The following ARHGEF6 variants were observed in gnomAD, a reference collection of about 807,000 sequenced individuals.
ARHGEF6 encodes the protein rho guanine nucleotide exchange factor 6.
ARHGEF6 carries 9 observed loss-of-function variants against 70.3 expected under a neutral mutation model. That is an observed-to-expected ratio of 0.13 (90% CI 0.08 to 0.22). The LOEUF is 0.22. Ranked by LOEUF, ARHGEF6 falls within the 10% of genes least tolerant of loss-of-function variation. The pLI, the probability that ARHGEF6 is intolerant of heterozygous loss-of-function variation, is 1.00. For synonymous variants in ARHGEF6, 201 were observed against 207.8 expected, an observed-to-expected ratio of 0.97 and a Z score of 0.28; for missense variants, 470 against 563.0, an observed-to-expected ratio of 0.83 and a Z score of 1.67.
At chrX:136,703,346 A>G (rs2076594457) in intron 9 of ARHGEF6, among the ~76,000 whole-genome samples, 1 of 111,979 alleles carries the variant, frequency 8.9e-6, no homozygotes, top group East Asian at 2.8e-4. Flanking sequence ...ATATAGGCAC[A>G]CCTCATTTTA....
At chrX:136,762,359 C>T (rs1242212063) in intron 2 of ARHGEF6, among the ~76,000 whole-genome samples, 2 of 112,332 alleles carry the variant, frequency 1.8e-5, no homozygotes, top group Non-Finnish European at 3.8e-5. Flanking sequence ...TCTAATATAT[C>T]CCAGAACACT....
intron 2 of ARHGEF6, among the ~76,000 whole-genome samples, chrX:136,756,850 A>G (rs1288319559): frequency 1.8e-5 from 2 of 112,530 alleles, no homozygotes; most frequent in East Asian, 2.8e-4. Flanking sequence ...CCTAACAGAC[A>G]TAAATTAATT....
In ARHGEF6 at chrX:136,672,006, C is replaced by T. The variant is rs1391020307; in HGVS notation, c.2135+14G>A. The stretch of plus-strand genomic sequence containing the variant: ...CCAAGAGAAACTAGGCAAGGTTTTG[C>T]CTGCTCTACTCACTTTTCTTCCATG... On this transcript the variant is annotated intron_variant, in intron 20 of 21. Coordinates refer to ENST00000250617, the MANE Select transcript of ARHGEF6 (RefSeq NM_004840.3). The T allele has an allele frequency of 1.7e-6, 2 of 1,188,838 alleles. No homozygotes were observed. The highest frequency in any genetic ancestry group is 2.3e-6 in the Non-Finnish European group (2 of 875,863).
intron 6 of ARHGEF6, among the ~76,000 whole-genome samples, chrX:136,730,877 T>C (rs748577958): frequency 2.7e-5 from 3 of 111,498 alleles, no homozygotes; most frequent in Non-Finnish European, 5.7e-5. Context: ...GTTGGTAGAA[T>C]CAGCAGAGGC....
intron 2 of ARHGEF6, chrX:136,774,136 A>C (rs1376816464): frequency 8.9e-5 from 10 of 111,853 alleles, no homozygotes; most frequent in African/African-American, 3.2e-4. Context: ...TTTTTTAAAC[A>C]ATAAATATTT....
intron 6 of ARHGEF6, among the ~76,000 whole-genome samples, chrX:136,716,009 C>T (rs1042431466): frequency 2.7e-5 from 3 of 112,751 alleles, no homozygotes; most frequent in African/African-American, 6.4e-5. Context: ...GGCACAATCT[C>T]GGCTCACTAC....
intron 20 of ARHGEF6, 97 bp from the exon 21 acceptor site, chrX:136,669,633 T>C (rs1352588758): frequency 4.3e-6 from 3 of 697,244 alleles, no homozygotes; most frequent in Non-Finnish European, 6.8e-6. Context: ...ATACAGATCC[T>C]GAAAAACAGT....
At chrX:136,749,013 A>C (rs1334099067) in intron 2 of ARHGEF6, among the ~76,000 whole-genome samples, 1 of 112,286 alleles carries the variant, frequency 8.9e-6, no homozygotes, top group African/African-American at 3.2e-5. Context: ...AATATTTTGC[A>C]TTCAAAGTTA....
chrX:136,767,405 G>A lies in ARHGEF6; in HGVS notation c.249+12009C>T, dbSNP rs745744091. The A allele has an allele frequency of 1.9e-5, 14 of 754,246 alleles. No homozygotes were observed. The South Asian group carries it at 8.8e-4, about 47-fold the overall frequency. 62.2% of individuals were successfully genotyped at this position (754,246 alleles called of 1,213,427 possible). ...CGGCTGCAACTTTGCGCCTGGACGC[G>A]GGCGAGGAGGGGGCGCCCGTCTCCA... On this transcript the variant is annotated intron_variant, in intron 2 of 21. Transcript: ENST00000250617.
At position 136,668,119 on chromosome X, in the gene ARHGEF6, C is replaced by T. The variant is rs2076179554; in HGVS notation, c.2241G>A (p.Arg747=). ...GCCTCCGCACCAGCTTTTCTAGGTC[C>T]CTTCTTGATTTCAGTTCTTCTTCCA... ...QCLEEELKSR[R]DLEKLVRRLL... The change falls in exon 22 of 22, where the codon AGG becomes AGA. Residue 747 remains arginine, a synonymous_variant. Coordinates refer to ENST00000250617, the MANE Select transcript of ARHGEF6 (RefSeq NM_004840.3). 8.3e-7 allele frequency: 1 copy of T among 1,211,361 alleles called. No individual in the cohort carries two copies. The highest frequency in any genetic ancestry group is 1.8e-5 in the South Asian group (1 of 56,957).
intron 5 of ARHGEF6, among the ~76,000 whole-genome samples, chrX:136,737,720 A>G (rs1157608568): frequency 1.9e-5 from 2 of 103,318 alleles, no homozygotes; most frequent in East Asian, 5.9e-4. Context: ...AGATTAATTA[A>G]TTAAAAATTT....
At chrX:136,670,400 T>C (rs1292450791) in intron 20 of ARHGEF6, among the ~76,000 whole-genome samples, 1 of 111,662 alleles carries the variant, frequency 9.0e-6, no homozygotes, top group Non-Finnish European at 1.9e-5. Context: ...GATGCAACCA[T>C]CCATTTTTTT....
chrX:136,668,243 G>A, intron 21 of ARHGEF6, 74 bp from the exon 22 acceptor site: 1 of 1,140,987 alleles, frequency 8.8e-7, no homozygotes, highest in Non-Finnish European at 1.2e-6. Context: ...CTCATCCTCG[G>A]GGCAGCTTTC....
chrX:136,679,043 G>T (rs780955339), intron 16 of ARHGEF6, among the ~76,000 whole-genome samples: 2 of 112,037 alleles, frequency 1.8e-5, no homozygotes, highest in African/African-American at 6.5e-5. Context: ...AAAAGACACT[G>T]CTTTCATCAA....
In ARHGEF6 at chrX:136,667,969, A is replaced by C. The variant is rs1230299540; in HGVS notation, c.*60T>G. 1.8e-5 allele frequency: 21 copies of C among 1,193,464 alleles called. No homozygotes were observed. The highest frequency in any genetic ancestry group is 2.4e-5 in the Non-Finnish European group (21 of 881,049). On this transcript the variant is annotated 3_prime_UTR_variant, in exon 22 of 22. Transcript: ENST00000250617. ...AGAAGTGAGCAAACTGAGTCAAATC[A>C]TTCAGCGGGACATTTCAAGATGCCC...
At chrX:136,738,775 T>G (rs2077013648) in intron 5 of ARHGEF6, among the ~76,000 whole-genome samples, 1 of 112,609 alleles carries the variant, frequency 8.9e-6, no homozygotes, top group Non-Finnish European at 1.9e-5. Flanking sequence ...ACCATCAAGC[T>G]GGACCTCTAG....
rs1336195319 is a variant in ARHGEF6, at chrX:136,732,442, C to G, written c.662-270G>C. ...CAGGGCCAGGGCAAGAACTTTACTC[C>G]CAGTTGGGGTTTGTCTGCCCTCTCC... is the stretch of plus-strand genomic sequence containing the variant. On this transcript the variant is annotated intron_variant, in intron 5 of 21. Coordinates refer to ENST00000250617, the MANE Select transcript of ARHGEF6 (RefSeq NM_004840.3). Among the ~76,000 whole-genome samples, 4 of 111,969 alleles carry G rather than the reference C, an allele frequency of 3.6e-5. No homozygotes were observed. The East Asian group carries it at 1.1e-3, about 31-fold the overall frequency.
At chrX:136,728,244 T>G (rs2076890968) in intron 6 of ARHGEF6, among the ~76,000 whole-genome samples, 1 of 111,352 alleles carries the variant, frequency 9.0e-6, no homozygotes, top group South Asian at 3.8e-4. Context: ...GACTGCCATG[T>G]CCCTCAAGGA....
chrX:136,727,363 TTCTTTCTTTCTTTC>T (rs2076870396), intron 6 of ARHGEF6, among the ~76,000 whole-genome samples: 1 of 65,608 alleles, frequency 1.5e-5, no homozygotes, highest in Non-Finnish European at 2.7e-5. Context: ...CTTTCTTTCT[TTCTTTCTTTCTTTC>T]TTTCTTTCTT....
Sources: gnomAD v4.1 joint callset for allele counts (sites outside exome capture counted in the v4.1 genomes callset) on GRCh38, gnomAD v4.1.1 for gene constraint, MANE v1.5 for transcripts, NCBI Gene and HGNC (gene_info 2026-07-23, HGNC 2026-07-21) for gene names.